Variants in KCNAB2 observed in about 807,000 individuals in gnomAD.
KCNAB2 encodes potassium voltage-gated channel subfamily A regulatory beta subunit 2, also known as voltage-gated potassium channel subunit beta-2.
In KCNAB2, 29 loss-of-function variants were observed where a neutral mutation model predicts 63.6. The observed-to-expected ratio is 0.46, with a 90% confidence interval of 0.34 to 0.62. The LOEUF (loss-of-function observed/expected upper bound fraction) is 0.62, where lower values mean the gene tolerates loss of function less well. Ranked by LOEUF, KCNAB2 falls within the 20% of genes least tolerant of loss-of-function variation. The probability of loss-of-function intolerance (pLI) is 0.01; values close to 1 mark genes in which losing one functional copy is unlikely to be tolerated. For synonymous variants in KCNAB2, 222 were observed against 224.2 expected (o/e 0.99, Z 0.09); for missense variants, 359 against 563.9 (o/e 0.64, Z 3.68).
Position 6,086,117 on chromosome 1 carries a change from C to T in KCNAB2, c.425+869C>T, listed in dbSNP as rs1387085293. On this transcript the variant is annotated intron_variant, in intron 6 of 15. Transcript: ENST00000378083. This position sits in a 1 kb window ranked among gnomAD's most constrained non-coding sequence, Gnocchi z 4.2. ...GCTTTATCTCAAGGTGCTGACAAGCCCCGGGGCCCTGTTCCTTAATAAATG... is the reference window on the plus strand; with the variant it reads ...GCTTTATCTCAAGGTGCTGACAAGCTCCGGGGCCCTGTTCCTTAATAAATG... The T allele has an allele frequency of 3.0e-6, 3 of 985,300 alleles. No homozygotes were observed. In the African/African-American group the frequency reaches 5.2e-5, roughly 17 times the overall value. 61.0% of individuals were successfully genotyped at this position (985,300 alleles called of 1,614,324 possible). A position where few individuals can be genotyped will look rare whatever the true frequency, so the allele number is the denominator to read the frequency against.
At chr1:6,022,660 C>A (rs1658915231) in intron 1 of KCNAB2, among the ~76,000 whole-genome samples, 1 of 152,150 alleles carries the variant, frequency 6.6e-6, no homozygotes, top group African/African-American at 2.4e-5. Flanking sequence ...CCCTCCCCTG[C>A]CCCTGAGGGC....
rs1661134798 is a variant in KCNAB2, at chr1:6,048,625, G to A, written c.-27+2442G>A. ...GTGAGTAATGTCTTGAAAGCTAATGGCTATTGATCTCAGCCTGGTCGGGCC... is the reference window on the plus strand; with the variant it reads ...GTGAGTAATGTCTTGAAAGCTAATGACTATTGATCTCAGCCTGGTCGGGCC... On this transcript the variant is annotated intron_variant, in intron 1 of 15. Coordinates refer to ENST00000378083, the MANE Select transcript of KCNAB2 (RefSeq NM_001199862.2). Among the ~76,000 whole-genome samples the A allele has an allele frequency of 2.0e-5, 3 of 152,246 alleles. No individual in the cohort carries two copies. In the South Asian group the frequency reaches 6.2e-4, roughly 31 times the overall value.
intron 2 of KCNAB2, among the ~76,000 whole-genome samples, chr1:6,067,062 G>A (rs1662816701): frequency 6.6e-6 from 1 of 152,330 alleles, no homozygotes; most frequent in East Asian, 1.9e-4. Context: ...GAGGGTCCCA[G>A]CTTTGTACAA....
At chr1:6,030,507 TGTTATG>T (rs1207620917), upstream of KCNAB2, among the ~76,000 whole-genome samples, 10 of 149,218 alleles carry the variant, frequency 6.7e-5, no homozygotes, top group African/African-American at 2.5e-4. Context: ...TGTGTATATG[TGTTATG>T]TATGTATGTG....
At chr1:6,065,139 C>T (rs1238561263) in intron 2 of KCNAB2, among the ~76,000 whole-genome samples, 1 of 152,236 alleles carries the variant, frequency 6.6e-6, no homozygotes, top group Non-Finnish European at 1.5e-5. Context: ...CAAGCAGGTG[C>T]CGCTGGGCAT....
chr1:6,083,691 C>A (rs745606687), intron 5 of KCNAB2, among the ~76,000 whole-genome samples: 1 of 152,178 alleles, frequency 6.6e-6, no homozygotes, highest in Admixed American at 6.5e-5. Context: ...CTGGGCGCTG[C>A]GTGCCGGGGA....
intron 1 of KCNAB2, among the ~76,000 whole-genome samples, chr1:6,046,431 T>C (rs1660930410): frequency 6.6e-6 from 1 of 152,182 alleles, no homozygotes; most frequent in African/African-American, 2.4e-5. Flanking sequence ...CTCGCTTGAG[T>C]CTGCTCACAG....
At chr1:6,048,710 C>G (rs1156870886) in intron 1 of KCNAB2, among the ~76,000 whole-genome samples, 1 of 152,250 alleles carries the variant, frequency 6.6e-6, no homozygotes, top group Non-Finnish European at 1.5e-5. Context: ...CCTGGGGCTA[C>G]AGCCTGCCCA....
chr1:6,023,770 T>C lies in KCNAB2; in HGVS notation c.-52-16747T>C, dbSNP rs1658980475. Among the ~76,000 whole-genome samples the C allele has an allele frequency of 2.0e-5, 3 of 152,112 alleles. No homozygotes were observed. The South Asian group carries it at 6.2e-4, about 32-fold the overall frequency. On this transcript the variant is annotated intron_variant, in intron 1 of 16. Coordinates refer to the KCNAB2 transcript ENST00000341524. ...ATTACTGTTGATAGTGCCTTCTATTTTTCTTTACCTATTTATTTATAGAGG... is the reference window on the plus strand; with the variant it reads ...ATTACTGTTGATAGTGCCTTCTATTCTTCTTTACCTATTTATTTATAGAGG...
intron 2 of KCNAB2, among the ~76,000 whole-genome samples, chr1:6,061,114 A>G (rs184049919): frequency 5.9e-5 from 9 of 152,334 alleles, no homozygotes; most frequent in Non-Finnish European, 1.2e-4. Context: ...AGCCTCCGCT[A>G]CAGCAGGGAT....
chr1:6,040,492 C>T, intron 1 of KCNAB2: 1 of 1,250,850 alleles, frequency 8.0e-7, no homozygotes, highest in Non-Finnish European at 1.2e-6. Context: ...CCCTCTTCCC[C>T]TCCCTTATTT....
At chr1:6,011,739 G>A (rs1320094940) in intron 1 of KCNAB2, among the ~76,000 whole-genome samples, 1 of 152,250 alleles carries the variant, frequency 6.6e-6, no homozygotes, top group African/African-American at 2.4e-5. Flanking sequence ...AGTGGTGGAG[G>A]TGGGCGAGAG....
intron 1 of KCNAB2, among the ~76,000 whole-genome samples, chr1:5,995,483 G>A (rs994938558): frequency 4.6e-5 from 7 of 152,252 alleles, no homozygotes; most frequent in African/African-American, 1.7e-4. Flanking sequence ...ACATTCATGG[G>A]CGCAGCCAGT....
chr1:6,002,433 ACAAAGCCAGGTGCCTGC>A (rs1188796725), intron 1 of KCNAB2, among the ~76,000 whole-genome samples: 1 of 152,226 alleles, frequency 6.6e-6, no homozygotes, highest in African/African-American at 2.4e-5. Flanking sequence ...TGAGGTTGAG[ACAAAGCCAGGTGCCTGC>A]CACGGCAGCT....
chr1:6,087,548 C>T lies in KCNAB2; in HGVS notation c.470+37C>T, dbSNP rs751540720. On this transcript the variant is annotated intron_variant, in intron 7 of 15. Transcript: ENST00000378083. This position sits in a 1 kb window ranked among gnomAD's most constrained non-coding sequence, Gnocchi z 6.4. ...AGCTGGCGATGCTTCCAGCCCCGGCCCAGCAGCCACGGCCCCGTGCTCCCC... is the reference window on the plus strand; with the variant it reads ...AGCTGGCGATGCTTCCAGCCCCGGCTCAGCAGCCACGGCCCCGTGCTCCCC... 1 of 1,610,606 alleles carries T rather than the reference C, an allele frequency of 6.2e-7. No individual in the cohort carries two copies. The highest frequency in any genetic ancestry group is 8.5e-7 in the Non-Finnish European group (1 of 1,176,928).
At chr1:6,007,050 A>G (rs1247901459) in intron 1 of KCNAB2, among the ~76,000 whole-genome samples, 5 of 152,178 alleles carry the variant, frequency 3.3e-5, no homozygotes, top group African/African-American at 9.7e-5. Flanking sequence ...GTCTCTGCTC[A>G]GGGCTGGCCG....
At chr1:6,020,488 A>T (rs1434593338) in intron 1 of KCNAB2, among the ~76,000 whole-genome samples, 1 of 151,872 alleles carries the variant, frequency 6.6e-6, no homozygotes, top group Non-Finnish European at 1.5e-5. Flanking sequence ...TGACAAGAAC[A>T]CACCAGGATC....
chr1:6,007,353 T>C (rs999245051), intron 1 of KCNAB2: 5 of 152,250 alleles, frequency 3.3e-5, no homozygotes, highest in African/African-American at 4.8e-5. Context: ...CTGAAATTGC[T>C]CATCTGGTAT....
chr1:6,041,988 C>T (rs187080757), upstream of KCNAB2: 329 of 893,122 alleles, frequency 3.7e-4, 3 homozygotes, highest in East Asian at 7.6e-3. Context: ...CCAAAGCCCC[C>T]GAGACCCCCA....
Sources: gnomAD v4.1 joint callset for allele counts (sites outside exome capture counted in the v4.1 genomes callset) on GRCh38, gnomAD v4.1.1 for gene constraint, Gnocchi (gnomAD v3.1) non-coding constraint, MANE v1.5 for transcripts, NCBI Gene and HGNC (gene_info 2026-07-23, HGNC 2026-07-21) for gene names.